SPOCK3: variants seen among roughly 807,000 people sequenced by gnomAD.
SPOCK3 encodes SPARC (osteonectin), cwcv and kazal like domains proteoglycan 3.
Under a neutral mutation model 56.6 loss-of-function variants are expected in SPOCK3, and 30 were observed. The observed-to-expected ratio is 0.53, with a 90% CI of 0.40 to 0.72. The LOEUF is 0.72. Ranked by LOEUF, SPOCK3 falls within the 30% of genes least tolerant of loss-of-function variation. The pLI is 0.00. For missense variants in SPOCK3, 527 were observed against 530.0 expected, an observed-to-expected ratio of 0.99 and a Z score of 0.06; for synonymous variants, 196 against 183.3, an observed-to-expected ratio of 1.07 and a Z score of -0.56.
intron 6 of SPOCK3, among the ~76,000 whole-genome samples, chr4:166,849,602 C>G (rs1418042911): frequency 6.6e-6 from 1 of 152,120 alleles, no homozygotes; most frequent in East Asian, 1.9e-4. Flanking sequence ...TGTTGAAATA[C>G]ACATAACATA....
intron 8 of SPOCK3, among the ~76,000 whole-genome samples, chr4:166,747,907 A>G (rs186139076): frequency 0.01 from 1,553 of 152,180 alleles, 35 homozygotes; most frequent in African/African-American, 0.035. Flanking sequence ...AGAATAAAAT[A>G]CCTAGGAATC....
intron 6 of SPOCK3, among the ~76,000 whole-genome samples, chr4:166,878,186 GGA>G (rs1342699510): frequency 6.6e-6 from 1 of 152,154 alleles, no homozygotes; most frequent in Admixed American, 6.5e-5. Flanking sequence ...GGCTGAGGCA[GGA>G]GAATTGCTTG....
intron 7 of SPOCK3, among the ~76,000 whole-genome samples, chr4:166,771,803 A>C (rs561029927): frequency 2.0e-5 from 3 of 152,202 alleles, no homozygotes; most frequent in Non-Finnish European, 2.9e-5. Context: ...ACAGTACTTA[A>C]TAATGTATTT....
At chr4:167,035,655 A>C (rs908114238) in intron 3 of SPOCK3, among the ~76,000 whole-genome samples, 3 of 152,064 alleles carry the variant, frequency 2.0e-5, no homozygotes, top group African/African-American at 7.2e-5. Flanking sequence ...CAGTTCTGGT[A>C]ATTGTTTCCC....
intron 3 of SPOCK3, among the ~76,000 whole-genome samples, chr4:167,016,997 G>C (rs1018312755): frequency 9.9e-5 from 15 of 152,130 alleles, no homozygotes; most frequent in African/African-American, 3.6e-4. Flanking sequence ...TTAGGCTAGG[G>C]TGTAGTAAAG....
chr4:167,073,079 ATAT>A (rs1756840904), intron 2 of SPOCK3, among the ~76,000 whole-genome samples: 1 of 151,758 alleles, frequency 6.6e-6, no homozygotes, highest in South Asian at 2.1e-4. Context: ...TGTGCAATAA[ATAT>A]TAATACATTT....
intron 2 of SPOCK3, among the ~76,000 whole-genome samples, chr4:167,209,156 G>A (rs1478981451): frequency 6.6e-6 from 1 of 152,056 alleles, no homozygotes; most frequent in African/African-American, 2.4e-5. Flanking sequence ...AATGGCTTTT[G>A]TTAACATTGT....
intron 8 of SPOCK3, 34 bp downstream of exon 8, chr4:166,754,471 GTCA>G: frequency 6.3e-7 from 1 of 1,579,502 alleles, no homozygotes; most frequent in South Asian, 1.1e-5. Context: ...TGACATGCAG[GTCA>G]ACTATTTGCG....
chr4:167,045,830 T>G (rs939161938), intron 3 of SPOCK3, among the ~76,000 whole-genome samples: 2 of 152,192 alleles, frequency 1.3e-5, no homozygotes, highest in African/African-American at 4.8e-5. Flanking sequence ...TTGAACAAAC[T>G]ACAATCTATT....
At chr4:167,017,285 A>G (rs548795742) in intron 3 of SPOCK3, among the ~76,000 whole-genome samples, 1 of 152,214 alleles carries the variant, frequency 6.6e-6, no homozygotes, top group Admixed American at 6.5e-5. Context: ...CCGTCCTGGG[A>G]CAGTCTCAGA....
chr4:166,740,501 T>C (rs1028774719), intron 9 of SPOCK3, among the ~76,000 whole-genome samples: 1 of 82,016 alleles, frequency 1.2e-5, no homozygotes, highest in South Asian at 5.0e-4. Context: ...AACTTATTAT[T>C]ATTATTATTA....
chr4:167,032,355 T>C (rs1412806871), intron 3 of SPOCK3, among the ~76,000 whole-genome samples: 1 of 151,946 alleles, frequency 6.6e-6, no homozygotes, highest in African/African-American at 2.4e-5. Flanking sequence ...TTTCTAGGCA[T>C]AGCAAACTGA....
At chr4:167,221,378 A>AATAAT (rs1300410380) in intron 2 of SPOCK3, among the ~76,000 whole-genome samples, 1 of 152,058 alleles carries the variant, frequency 6.6e-6, no homozygotes, top group African/African-American at 2.4e-5. Context: ...TTAAAAAATA[A>AATAAT]ATAATATAAT....
At chr4:166,774,505 T>C (rs1739309182) in intron 7 of SPOCK3, among the ~76,000 whole-genome samples, 1 of 152,210 alleles carries the variant, frequency 6.6e-6, no homozygotes, top group Non-Finnish European at 1.5e-5. Context: ...GAGTTTACTC[T>C]GTATTCCCAA....
chr4:167,044,694 T>C (rs1580108285), intron 3 of SPOCK3, among the ~76,000 whole-genome samples: 1 of 152,240 alleles, frequency 6.6e-6, no homozygotes, highest in East Asian at 1.9e-4. Flanking sequence ...ACAAGTATGT[T>C]GCTTAATCAA....
rs553085190 is a variant in SPOCK3 at position 167,011,337 on chromosome 4, C to T, written c.236-10874G>A. ...TCATCAGTTGATTCAGGGGTTGTTG[C>T]CTTAAGCATACCTATTCAAACAACC... On this transcript the variant is annotated intron_variant, in intron 3 of 10. Transcript: ENST00000357545. The T allele has an allele frequency of 1.1e-5, 5 of 455,364 alleles. No homozygotes were observed. The East Asian group carries it at 3.5e-4, about 32-fold the overall frequency. 28.2% of individuals were successfully genotyped at this position (455,364 alleles called of 1,614,324 possible).
intron 5 of SPOCK3, among the ~76,000 whole-genome samples, chr4:166,902,688 C>A (rs76254114): frequency 6.6e-6 from 1 of 151,440 alleles, no homozygotes; most frequent in African/African-American, 2.4e-5. Context: ...AATACATATA[C>A]ATGTACACTC....
chr4:167,222,007 T>C (rs985443026), intron 2 of SPOCK3, among the ~76,000 whole-genome samples: 2 of 152,180 alleles, frequency 1.3e-5, no homozygotes, highest in Admixed American at 6.5e-5. Context: ...TTTGCATACC[T>C]ATGTTCATAG....
chr4:166,827,173 A>C (rs886933025), intron 6 of SPOCK3, among the ~76,000 whole-genome samples: 1 of 152,088 alleles, frequency 6.6e-6, no homozygotes, highest in African/African-American at 2.4e-5. Context: ...GAAAATTAGA[A>C]TTAACTTACC....
Sources: allele counts gnomAD v4.1 joint callset (sites outside exome capture counted in the v4.1 genomes callset), GRCh38; gene constraint gnomAD v4.1.1; transcripts MANE v1.5; gene names NCBI Gene and HGNC (gene_info 2026-07-23, HGNC 2026-07-21).